MYO9A: variants seen among roughly 807,000 people sequenced by gnomAD.
MYO9A encodes the protein unconventional myosin-IXa.
In MYO9A, 103 loss-of-function variants were observed where a neutral mutation model predicts 293.3. The observed-to-expected ratio is 0.35, with a 90% CI of 0.30 to 0.41. The LOEUF is 0.41. MYO9A is among the 10% of genes least tolerant of loss of function. MYO9A has a pLI of 1.00. For synonymous variants in MYO9A, 1,001 were observed against 1,035.7 expected (o/e 0.97, Z 0.64); for missense variants, 2,685 against 3,033.0 (o/e 0.89, Z 2.69).
chr15:71,979,810 G>C (rs1035630177), intron 11 of MYO9A, among the ~76,000 whole-genome samples: 1 of 152,040 alleles, frequency 6.6e-6, no homozygotes, highest in East Asian at 1.9e-4. Context: ...TCACAAGAAC[G>C]GCTTGTTAAA....
chr15:72,088,341 T>C (rs1306171363), intron 1 of MYO9A, among the ~76,000 whole-genome samples: 1 of 152,214 alleles, frequency 6.6e-6, no homozygotes, highest in African/African-American at 2.4e-5. Context: ...AAAAGTGCAA[T>C]GCCCTCTGGG....
intron 25 of MYO9A, among the ~76,000 whole-genome samples, chr15:71,896,230 A>C (rs2057322560): frequency 6.6e-6 from 1 of 152,188 alleles, no homozygotes; most frequent in Middle Eastern, 3.2e-3. Context: ...TGAAATTTTA[A>C]AGGGTGGAAC....
intron 8 of MYO9A, among the ~76,000 whole-genome samples, chr15:72,001,694 A>C (rs890250165): frequency 6.6e-6 from 1 of 152,196 alleles, no homozygotes; most frequent in East Asian, 1.9e-4. Flanking sequence ...TGAATGGATA[A>C]ATATTATCTA....
chr15:71,977,745 A>C (rs2076178757), intron 12 of MYO9A, among the ~76,000 whole-genome samples: 1 of 152,156 alleles, frequency 6.6e-6, no homozygotes. Flanking sequence ...ACAGATATAA[A>C]AAAAAATTGT....
intron 8 of MYO9A, among the ~76,000 whole-genome samples, chr15:72,001,349 G>C (rs2076859443): frequency 6.6e-6 from 1 of 152,062 alleles, no homozygotes; most frequent in Non-Finnish European, 1.5e-5. Flanking sequence ...GAGGTCAGGA[G>C]TTCAAGAACA....
chr15:72,032,941 T>C (rs2077922556), intron 2 of MYO9A, among the ~76,000 whole-genome samples: 1 of 152,042 alleles, frequency 6.6e-6, no homozygotes, highest in African/African-American at 2.4e-5. Flanking sequence ...ACCTCTGCCT[T>C]CTGGGTTCAA....
rs774687035 is a variant in MYO9A, at chr15:71,899,851, G to A, written c.3306C>T (p.Ile1102=). Residue 1102 remains isoleucine (I), a synonymous_variant, in exon 24 of 42, where the codon ATC becomes ATT. Coordinates refer to ENST00000356056, the MANE Select transcript of MYO9A (RefSeq NM_006901.4). Reference sequence around the variant, plus strand: ...AATCTCTCCATTTCTGCTGGATAACGATGGCTGCAGCCCGTAACTCCAAGT... The same window carrying A: ...AATCTCTCCATTTCTGCTGGATAACAATGGCTGCAGCCCGTAACTCCAAGT... ...QRYLELRAAA[I]VIQQKWRDYY... 16 of 1,614,112 alleles carry A rather than the reference G, an allele frequency of 9.9e-6. No individual in the cohort carries two copies. Among genetic ancestry groups the A allele is most frequent in the Admixed American group, 3.3e-5 (2 of 59,990 alleles).
intron 2 of MYO9A, among the ~76,000 whole-genome samples, chr15:72,036,935 G>A (rs1596443763): frequency 6.6e-6 from 1 of 152,106 alleles, no homozygotes; most frequent in South Asian, 2.1e-4. Context: ...ATCTCCCTAT[G>A]TTGTCCAGGC....
chr15:71,866,724 G>A (rs2056339084), intron 32 of MYO9A, among the ~76,000 whole-genome samples: 1 of 152,060 alleles, frequency 6.6e-6, no homozygotes, highest in Non-Finnish European at 1.5e-5. Context: ...TAGTTGGAAT[G>A]GCTCACGACT....
In MYO9A at chr15:71,826,906, T is replaced by C. The variant is rs2054527360; in HGVS notation, c.7321A>G (p.Thr2441Ala). The part of the protein sequence containing the change: ...SSVSSLCLSN[T>A]ASSHGTRKLF... ...TTTCTGGTCCCATGAGATGATGCCG[T>C]GTTAGACAGACATAAAGAGGAGACC... The change falls in exon 42 of 42, where the codon ACG (threonine) becomes GCG (alanine). Residue 2441 changes from threonine (T) to alanine (A), a missense_variant. Thr to Ala is a moderately conservative substitution (Grantham distance 58). Coordinates refer to ENST00000356056, the MANE Select transcript of MYO9A (RefSeq NM_006901.4). 2 of 1,614,106 alleles carry C rather than the reference T, an allele frequency of 1.2e-6. No individual in the cohort carries two copies. Among genetic ancestry groups the C allele is most frequent in the South Asian group, 1.1e-5 (1 of 91,082 alleles).
intron 3 of MYO9A, 29 bp downstream of exon 3, chr15:72,032,465 G>A (rs924207501): frequency 4.3e-6 from 6 of 1,405,552 alleles, no homozygotes; most frequent in Non-Finnish European, 3.9e-6. Context: ...ATGCTCCAAA[G>A]CCTACGCCTG....
intron 2 of MYO9A, chr15:72,041,700 CAA>C (rs1197513117): frequency 5.2e-6 from 1 of 190,610 alleles, no homozygotes; most frequent in Non-Finnish European, 1.1e-5. Flanking sequence ...TTTCAGCAGG[CAA>C]AGAGCTCCTT....
intron 4 of MYO9A, among the ~76,000 whole-genome samples, chr15:72,024,145 T>C (rs904153104): frequency 9.9e-5 from 15 of 152,198 alleles, no homozygotes; most frequent in African/African-American, 3.6e-4. Context: ...AGATGGTCCT[T>C]ACAAGAAATA....
intron 26 of MYO9A, chr15:71,893,043 G>C (rs1191010976): frequency 1.6e-6 from 2 of 1,289,866 alleles, no homozygotes; most frequent in South Asian, 1.2e-5. Context: ...GGTCAAGGGA[G>C]AGAAGGGGCT....
intron 6 of MYO9A, among the ~76,000 whole-genome samples, chr15:72,012,617 A>G (rs1474074219): frequency 1.3e-5 from 2 of 152,200 alleles, no homozygotes; most frequent in Non-Finnish European, 2.9e-5. Context: ...ATTTTTAAAC[A>G]CATTCTTCTT....
chr15:71,896,408 A>G (rs1448390085), intron 25 of MYO9A, among the ~76,000 whole-genome samples: 2 of 152,140 alleles, frequency 1.3e-5, no homozygotes, highest in Non-Finnish European at 2.9e-5. Context: ...AGTATCTTCA[A>G]TTTTGTTAAA....
intron 1 of MYO9A, among the ~76,000 whole-genome samples, chr15:72,074,951 C>CTTTTTT (rs750462703): frequency 0.018 from 938 of 53,114 alleles, 161 homozygotes; most frequent in Non-Finnish European, 0.022. Context: ...TTTTCACTGC[C>CTTTTTT]TTTTTTTTTT....
intron 13 of MYO9A, among the ~76,000 whole-genome samples, chr15:71,963,827 A>C (rs1276747016): frequency 6.6e-6 from 1 of 152,208 alleles, no homozygotes; most frequent in Non-Finnish European, 1.5e-5. Flanking sequence ...ACAAATCTTA[A>C]AGGATATGTC....
intron 32 of MYO9A, among the ~76,000 whole-genome samples, chr15:71,864,894 CTA>C (rs2141879282): frequency 6.6e-6 from 1 of 152,184 alleles, no homozygotes; most frequent in Admixed American, 6.5e-5. Flanking sequence ...GATGGGAAAA[CTA>C]TGTGAATTTA....
Sources: gnomAD v4.1 joint callset for allele counts (sites outside exome capture counted in the v4.1 genomes callset) on GRCh38, gnomAD v4.1.1 for gene constraint, MANE v1.5 for transcripts, NCBI Gene and HGNC (gene_info 2026-07-23, HGNC 2026-07-21) for gene names.